TMEM132B: variants seen among roughly 807,000 people sequenced by gnomAD.
The protein encoded by TMEM132B is transmembrane protein 132B.
Under a neutral mutation model 90.8 loss-of-function variants are expected in TMEM132B, and 18 were observed. The observed-to-expected ratio is 0.20, with a 90% CI of 0.14 to 0.29. The LOEUF is 0.29. Ranked by LOEUF, TMEM132B falls within the 10% of genes least tolerant of loss-of-function variation. The pLI, the probability that TMEM132B is intolerant of heterozygous loss-of-function variation, is 1.00. For missense variants in TMEM132B, 1,096 were observed against 1,326.8 expected, an observed-to-expected ratio of 0.83 and a Z score of 2.70; for synonymous variants, 504 against 523.3, an observed-to-expected ratio of 0.96 and a Z score of 0.50.
At chr12:125,357,892 C>T (rs1195750507) in intron 2 of TMEM132B, among the ~76,000 whole-genome samples, 1 of 152,200 alleles carries the variant, frequency 6.6e-6, no homozygotes, top group Non-Finnish European at 1.5e-5. Context: ...ACAATGCAGC[C>T]TTAGTTGCAC....
intron 1 of TMEM132B, among the ~76,000 whole-genome samples, chr12:125,282,688 C>T (rs773739556): frequency 1.3e-5 from 2 of 152,180 alleles, no homozygotes; most frequent in Non-Finnish European, 2.9e-5. Flanking sequence ...CTAGGGCTCC[C>T]GGTGCTGCTG....
rs1331071751 is a variant in TMEM132B, at chr12:125,445,409, C to T, written c.1106+29732C>T. 6.6e-6 allele frequency among the ~76,000 whole-genome samples: 1 copy of T among 152,220 alleles called. No individual in the cohort carries two copies. Among genetic ancestry groups the T allele is most frequent in the African/African-American group, 2.4e-5 (1 of 41,452 alleles). On this transcript the variant is annotated intron_variant, in intron 3 of 8. Transcript: ENST00000682704. This position sits in a 1 kb window ranked among gnomAD's most constrained non-coding sequence, Gnocchi z 4.3. ...GTATTACTCCTCAATCTCAAATTCA[C>T]CCTTCACCACCTGCTCTGAGACAAT...
intron 2 of TMEM132B, among the ~76,000 whole-genome samples, chr12:125,357,577 A>G (rs1183718010): frequency 2.0e-5 from 3 of 152,252 alleles, no homozygotes; most frequent in Admixed American, 6.5e-5. Context: ...TTAACATAAA[A>G]TAGCAACAAC....
chr12:125,431,365 C>T (rs1193123718), intron 3 of TMEM132B, among the ~76,000 whole-genome samples: 1 of 151,958 alleles, frequency 6.6e-6, no homozygotes, highest in Non-Finnish European at 1.5e-5. Flanking sequence ...CAAATGATGG[C>T]AAACAGACAG....
rs1873263293 is a variant in TMEM132B, at chr12:125,209,302, C to T, written c.67+22436C>T. Among the ~76,000 whole-genome samples, 1 of 152,198 alleles carries T rather than the reference C, an allele frequency of 6.6e-6. No individual in the cohort carries two copies. Among genetic ancestry groups the T allele is most frequent in the African/African-American group, 2.4e-5 (1 of 41,442 alleles). On this transcript the variant is annotated intron_variant, in intron 1 of 8. Transcript: ENST00000682704. This position sits in a 1 kb window ranked among gnomAD's most constrained non-coding sequence, Gnocchi z 4.4. ...GTGAGGCTCACATCTCTAAGTGGGG[C>T]AGAGGCTCGCGGATGGACCGCCCCA...
Position 125,349,174 on chromosome 12 carries a change from C to T in TMEM132B, c.68-278C>T, listed in dbSNP as rs1291416577. ...TTTTGAGTTTATGATTTCGCACAAG[C>T]AGCAGAAGCAATGTTTTCCCTTTAG... is the stretch of plus-strand genomic sequence containing the variant. On this transcript the variant is annotated intron_variant, in intron 1 of 8. Transcript: ENST00000682704. The surrounding 1 kb of genome is among the most constrained non-coding windows in gnomAD (Gnocchi z 4.1). Among the ~76,000 whole-genome samples the T allele has an allele frequency of 6.6e-6, 1 of 152,146 alleles. No individual in the cohort carries two copies. Among genetic ancestry groups the T allele is most frequent in the African/African-American group, 2.4e-5 (1 of 41,414 alleles).
chr12:125,402,079 T>C (rs1226487385), intron 2 of TMEM132B, among the ~76,000 whole-genome samples: 2 of 152,214 alleles, frequency 1.3e-5, no homozygotes, highest in African/African-American at 4.8e-5. Context: ...GCTTCTCCAG[T>C]TTCCCCAAGA....
chr12:125,650,690 C>T lies in TMEM132B; in HGVS notation c.1651C>T (p.Arg551Trp), dbSNP rs764032288. Residue 551 changes from arginine (R) to tryptophan (W), a missense_variant, in exon 7 of 9, where the codon CGG becomes TGG. Physicochemically the swap from Arg to Trp is moderately radical, Grantham distance 101. Coordinates refer to ENST00000682704, the MANE Select transcript of TMEM132B (RefSeq NM_001366854.1). ...CGATTCCTTGTGCTCCAGGCCTACC[C>T]GGGAAAGCGATGACGAGGACGATGA... ...IPVAANRRPT[R>W]ESDDEDDEEK... is the part of the protein sequence containing the mutation. 45 of 1,607,236 alleles carry T rather than the reference C, an allele frequency of 2.8e-5. No homozygotes were observed. Among genetic ancestry groups the T allele is most frequent in the Non-Finnish European group, 2.8e-5 (33 of 1,174,164 alleles).
At chr12:125,635,898 A>G (rs1333825691) in intron 5 of TMEM132B, among the ~76,000 whole-genome samples, 1 of 152,106 alleles carries the variant, frequency 6.6e-6, no homozygotes, top group East Asian at 1.9e-4. Context: ...GGGTATCAGC[A>G]AATTTGGTAT....
intron 4 of TMEM132B, among the ~76,000 whole-genome samples, chr12:125,540,942 C>A (rs1433485337): frequency 1.3e-5 from 2 of 152,380 alleles, no homozygotes; most frequent in Middle Eastern, 3.4e-3. Flanking sequence ...TCCCCTCCAG[C>A]CATATTGGCC....
chr12:125,254,679 CT>C (rs1874393630), intron 1 of TMEM132B, among the ~76,000 whole-genome samples: 1 of 142,632 alleles, frequency 7.0e-6, no homozygotes, highest in South Asian at 2.3e-4. Context: ...GAGCCTCTTC[CT>C]ACTTTTTTTT....
intron 1 of TMEM132B, among the ~76,000 whole-genome samples, chr12:125,215,165 T>C (rs1429896998): frequency 6.6e-6 from 1 of 152,254 alleles, no homozygotes; most frequent in East Asian, 1.9e-4. Context: ...CGAACCATCA[T>C]TGAGGGCAAA....
chr12:125,552,936 C>T lies in TMEM132B; in HGVS notation c.1294-30915C>T, dbSNP rs1884272096. On this transcript the variant is annotated intron_variant, in intron 4 of 8. Coordinates refer to ENST00000682704, the MANE Select transcript of TMEM132B (RefSeq NM_001366854.1). ...TCAGCTTCTGTTCTCATTGAGTGGC[C>T]TCCCAGCCTAAGCATGTCTAAACAC... Among the ~76,000 whole-genome samples, 3 of 152,356 alleles carry T rather than the reference C, an allele frequency of 2.0e-5. No individual in the cohort carries two copies. The South Asian group carries it at 6.2e-4, about 32-fold the overall frequency.
At position 125,407,853 on chromosome 12, in the gene TMEM132B, G is replaced by A. The variant is rs890196089; in HGVS notation, c.960-7678G>A. Reference sequence around the variant, plus strand: ...CCATGTCCTCCTGGCTCTGACTTACGTCCCTGTTACAATGCACTTGCTCTG... The same window carrying A: ...CCATGTCCTCCTGGCTCTGACTTACATCCCTGTTACAATGCACTTGCTCTG... On this transcript the variant is annotated intron_variant, in intron 2 of 8. Transcript: ENST00000682704. This position sits in a 1 kb window ranked among gnomAD's most constrained non-coding sequence, Gnocchi z 6.7. 5.3e-5 allele frequency among the ~76,000 whole-genome samples: 8 copies of A among 152,198 alleles called. No individual in the cohort carries two copies. Among genetic ancestry groups the A allele is most frequent in the Non-Finnish European group, 1.2e-4 (8 of 68,038 alleles).
intron 1 of TMEM132B, among the ~76,000 whole-genome samples, chr12:125,345,670 T>G (rs775519271): frequency 8.5e-5 from 13 of 152,162 alleles, no homozygotes; most frequent in African/African-American, 2.9e-4. Flanking sequence ...CTGGTGCACC[T>G]TGTGTTCTCT....
At chr12:125,581,429 G>A (rs1403457188) in intron 4 of TMEM132B, among the ~76,000 whole-genome samples, 1 of 152,174 alleles carries the variant, frequency 6.6e-6, no homozygotes, top group Non-Finnish European at 1.5e-5. Flanking sequence ...AATATTTCTA[G>A]CTCCTACTCT....
At chr12:125,575,390 A>G (rs958421053) in intron 4 of TMEM132B, among the ~76,000 whole-genome samples, 3 of 151,814 alleles carry the variant, frequency 2.0e-5, no homozygotes, top group African/African-American at 7.3e-5. Context: ...TTCAAATCCT[A>G]TCCCCTCATT....
At chr12:125,524,673 G>C (rs937914614) in intron 4 of TMEM132B, among the ~76,000 whole-genome samples, 1 of 152,226 alleles carries the variant, frequency 6.6e-6, no homozygotes, top group Non-Finnish European at 1.5e-5. Context: ...TTTCATCATT[G>C]TCATTGTGTT....
intron 4 of TMEM132B, among the ~76,000 whole-genome samples, chr12:125,562,951 T>G (rs1463754201): frequency 2.0e-5 from 3 of 151,880 alleles, no homozygotes; most frequent in African/African-American, 7.3e-5. Context: ...CAGACTTAAT[T>G]TCAATATTGC....
Sources: gnomAD v4.1 joint callset for allele counts (sites outside exome capture counted in the v4.1 genomes callset) on GRCh38, gnomAD v4.1.1 for gene constraint, Gnocchi (gnomAD v3.1) non-coding constraint, MANE v1.5 for transcripts, NCBI Gene and HGNC (gene_info 2026-07-23, HGNC 2026-07-21) for gene names.